UNC79: variants seen among roughly 807,000 people sequenced by gnomAD.
The protein encoded by UNC79 is protein unc-79 homolog.
UNC79 carries 37 observed loss-of-function variants against 283.1 expected under a neutral mutation model. That is an observed-to-expected ratio of 0.13 (90% CI 0.10 to 0.17). The LOEUF is 0.17. Among genes scored for constraint, UNC79 ranks in the 10% least tolerant of loss-of-function variants. The probability of loss-of-function intolerance (pLI) is 1.00; values close to 1 mark genes in which losing one functional copy is unlikely to be tolerated. For missense variants in UNC79, 2,272 were observed against 3,211.1 expected, an observed-to-expected ratio of 0.71 and a Z score of 7.07; for synonymous variants, 1,107 against 1,200.2, an observed-to-expected ratio of 0.92 and a Z score of 1.61.
intron 14 of UNC79, among the ~76,000 whole-genome samples, chr14:93,562,633 A>C (rs1185354547): frequency 6.6e-6 from 1 of 152,178 alleles, no homozygotes; most frequent in Non-Finnish European, 1.5e-5. Flanking sequence ...GGTTCCACTG[A>C]ATACCAAGAG....
At chr14:93,610,385 T>C (rs2066211675) in intron 26 of UNC79, among the ~76,000 whole-genome samples, 1 of 152,094 alleles carries the variant, frequency 6.6e-6, no homozygotes, top group African/African-American at 2.4e-5. Flanking sequence ...CAGGACTGAG[T>C]GATACATGTT....
At chr14:93,706,527 G>A (rs1235569162) in intron 48 of UNC79, among the ~76,000 whole-genome samples, 177 bp from the exon 52 acceptor site, 1 of 152,152 alleles carries the variant, frequency 6.6e-6, no homozygotes, top group Non-Finnish European at 1.5e-5. Flanking sequence ...GACGACTCTA[G>A]AAAACACGGT....
intron 25 of UNC79, among the ~76,000 whole-genome samples, chr14:93,601,810 T>C (rs1429260037): frequency 2.6e-5 from 4 of 152,198 alleles, no homozygotes; most frequent in African/African-American, 9.7e-5. Context: ...AGGAGTAAGG[T>C]GGTATCTCAT....
chr14:93,676,794 C>T (rs2073379186), intron 41 of UNC79, among the ~76,000 whole-genome samples: 4 of 152,182 alleles, frequency 2.6e-5, no homozygotes, highest in African/African-American at 9.7e-5. Context: ...TATTGCATCA[C>T]AGTTAGGTGA....
rs79146512 is a variant in UNC79 at position 93,448,693 on chromosome 14, G to A, written c.22+17642G>A. ...TATGGGTAATTTTCCTGGCTGGGATGGAATTGCAAACTCTGTTCTCATGCA... is the reference window on the plus strand; with the variant it reads ...TATGGGTAATTTTCCTGGCTGGGATAGAATTGCAAACTCTGTTCTCATGCA... On this transcript the variant is annotated intron_variant, in intron 1 of 48. Coordinates refer to ENST00000555664, the Ensembl canonical transcript of UNC79. 8.2e-3 allele frequency among the ~76,000 whole-genome samples: 1,250 copies of A among 152,272 alleles called. 5 individuals carry two copies. Among genetic ancestry groups the A allele is most frequent in the Non-Finnish European group, 0.014 (940 of 68,022 alleles).
intron 37 of UNC79, among the ~76,000 whole-genome samples, chr14:93,654,266 G>A (rs1385184797): frequency 1.3e-5 from 2 of 152,158 alleles, no homozygotes; most frequent in African/African-American, 2.4e-5. Flanking sequence ...TGAGGCAGGA[G>A]GATTGCTCGA....
chr14:93,626,392 A>G (rs1029978706), intron 30 of UNC79, among the ~76,000 whole-genome samples: 14 of 152,062 alleles, frequency 9.2e-5, no homozygotes, highest in African/African-American at 3.4e-4. Flanking sequence ...ACACGATTCT[A>G]TCTCTCTCGC....
At chr14:93,573,532 T>C (rs2063318596) in intron 16 of UNC79, among the ~76,000 whole-genome samples, 1 of 152,150 alleles carries the variant, frequency 6.6e-6, no homozygotes, top group African/African-American at 2.4e-5. Flanking sequence ...CTGATATGAG[T>C]TTGGGCAGTT....
intron 30 of UNC79, among the ~76,000 whole-genome samples, chr14:93,627,128 C>T (rs1596134204): frequency 6.6e-6 from 1 of 152,334 alleles, no homozygotes; most frequent in East Asian, 1.9e-4. Flanking sequence ...TCAAGGTCAC[C>T]AGTGTCCTTC....
At chr14:93,410,020 A>C (rs1334827078) in intron 1 of UNC79, among the ~76,000 whole-genome samples, 2 of 152,196 alleles carry the variant, frequency 1.3e-5, no homozygotes, top group Non-Finnish European at 2.9e-5. Flanking sequence ...CTCACAATAT[A>C]TGGTTTTAAC....
At chr14:93,501,104 C>A (rs900823930) in intron 7 of UNC79, among the ~76,000 whole-genome samples, 4 of 152,126 alleles carry the variant, frequency 2.6e-5, no homozygotes, top group Non-Finnish European at 4.4e-5. Flanking sequence ...GCAGGTGGAT[C>A]ACCTGAGGTC....
At chr14:93,684,675 A>G (rs916854833) in intron 42 of UNC79, among the ~76,000 whole-genome samples, 1 of 152,216 alleles carries the variant, frequency 6.6e-6, no homozygotes, top group Admixed American at 6.5e-5. Flanking sequence ...TAGTTTTCCC[A>G]GAGGTGGAGG....
At chr14:93,406,600 A>T (rs1265605546) in intron 1 of UNC79, among the ~76,000 whole-genome samples, 1 of 152,116 alleles carries the variant, frequency 6.6e-6, no homozygotes, top group African/African-American at 2.4e-5. Context: ...AAAAGAAAAC[A>T]AGGAAACAAG....
chr14:93,482,561 G>A (rs1424690798), intron 4 of UNC79, among the ~76,000 whole-genome samples: 1 of 152,116 alleles, frequency 6.6e-6, no homozygotes, highest in Non-Finnish European at 1.5e-5. Context: ...TTTAATCCAG[G>A]CAGTGCAGTC....
chr14:93,442,093 G>A (rs1458816149), intron 1 of UNC79, among the ~76,000 whole-genome samples: 1 of 152,058 alleles, frequency 6.6e-6, no homozygotes, highest in Non-Finnish European at 1.5e-5. Flanking sequence ...GAAAAGTCCA[G>A]TGACAATCTT....
chr14:93,457,760 C>G (rs948062377), intron 1 of UNC79, among the ~76,000 whole-genome samples: 1 of 152,190 alleles, frequency 6.6e-6, no homozygotes, highest in Non-Finnish European at 1.5e-5. Context: ...GTCTGGACAT[C>G]ACAGCAATTA....
intron 1 of UNC79, chr14:93,397,270 G>C (rs2055017471): frequency 1.3e-5 from 2 of 152,138 alleles, no homozygotes; most frequent in Non-Finnish European, 1.5e-5. Flanking sequence ...ATTTGTTTTT[G>C]ACAAATGCCC....
chr14:93,425,293 G>A (rs992889411), intron 1 of UNC79, among the ~76,000 whole-genome samples: 1 of 152,184 alleles, frequency 6.6e-6, no homozygotes, highest in African/African-American at 2.4e-5. Context: ...CACAAGAACA[G>A]CAGCATGGGA....
exon 30 of UNC79, chr14:93,622,208 C>G (rs1596111474): frequency 6.2e-7 from 1 of 1,614,118 alleles, no homozygotes; most frequent in East Asian, 2.2e-5. Flanking sequence ...CGATGACGGC[C>G]CCTCCGGTAA....
Sources: gnomAD v4.1 joint callset for allele counts (sites outside exome capture counted in the v4.1 genomes callset) on GRCh38, gnomAD v4.1.1 for gene constraint, MANE v1.5 for transcripts, NCBI Gene and HGNC (gene_info 2026-07-23, HGNC 2026-07-21) for gene names.